Variants in COL4A5 observed in about 807,000 individuals in gnomAD.
COL4A5 encodes collagen type IV alpha 5 chain.
In COL4A5, 26 loss-of-function variants were observed where a neutral mutation model predicts 130.2. The observed-to-expected ratio is 0.20, with a 90% CI of 0.15 to 0.28. The LOEUF is 0.28. Among genes scored for constraint, COL4A5 ranks in the 10% least tolerant of loss-of-function variants. The probability of loss-of-function intolerance (pLI) is 1.00; values close to 1 mark genes in which losing one functional copy is unlikely to be tolerated. For synonymous variants in COL4A5, 496 were observed against 439.6 expected (o/e 1.13, Z -1.60); for missense variants, 1,131 against 1,344.3 (o/e 0.84, Z 2.48).
rs746233788 is a variant in COL4A5, at chrX:108,610,079, T to C, written c.2395+3187T>C. On this transcript the variant is annotated intron_variant, in intron 29 of 52. Transcript: ENST00000328300. The stretch of plus-strand genomic sequence containing the variant: ...GTGAGTGAGATTGGCCATCCTTTTA[T>C]GTGTTAAGGGCCATATTTTTTTTTC... 8.1e-5 allele frequency among the ~76,000 whole-genome samples: 9 copies of C among 111,318 alleles called. No individual in the cohort carries two copies. In the South Asian group the frequency reaches 3.4e-3, roughly 42 times the overall value.
At chrX:108,674,587 T>C in intron 42 of COL4A5, 158 bp from the exon 43 acceptor site, 1 of 546,799 alleles carries the variant, frequency 1.8e-6, no homozygotes, top group Non-Finnish European at 3.0e-6. Flanking sequence ...TGCATACTGA[T>C]TATGCTGTAA....
At chrX:108,626,077 G>C in intron 35 of COL4A5, 133 bp from the exon 36 acceptor site, 1 of 588,410 alleles carries the variant, frequency 1.7e-6, no homozygotes, top group Non-Finnish European at 2.7e-6. Flanking sequence ...AATTGTGTTT[G>C]TGAGGCTCAT....
chrX:108,448,227 T>A (rs186094414), intron 1 of COL4A5, among the ~76,000 whole-genome samples: 1 of 112,581 alleles, frequency 8.9e-6, no homozygotes, highest in East Asian at 2.8e-4. Flanking sequence ...TTAACTTTTT[T>A]ATTTTAATGA....
chrX:108,592,321 G>A (rs1360472979), intron 21 of COL4A5, among the ~76,000 whole-genome samples: 1 of 110,481 alleles, frequency 9.1e-6, no homozygotes, highest in Non-Finnish European at 1.9e-5. Flanking sequence ...TTTCCCCAAG[G>A]ATTTTTTTTC....
At chrX:108,612,642 A>G (rs2066857142) in intron 29 of COL4A5, among the ~76,000 whole-genome samples, 1 of 111,825 alleles carries the variant, frequency 8.9e-6, no homozygotes, top group Non-Finnish European at 1.9e-5. Context: ...CACTGTTGAC[A>G]GAAATCAGAT....
intron 44 of COL4A5, 88 bp from the exon 45 acceptor site, chrX:108,680,591 A>G (rs886601369): frequency 2.1e-5 from 15 of 722,831 alleles, no homozygotes; most frequent in Middle Eastern, 8.9e-4. Flanking sequence ...AAATAGTGCT[A>G]TATGCCACTA....
intron 29 of COL4A5, among the ~76,000 whole-genome samples, chrX:108,610,827 G>A (rs917903529): frequency 9.0e-6 from 1 of 111,511 alleles, no homozygotes; most frequent in African/African-American, 3.2e-5. Flanking sequence ...ATTCTGCCAT[G>A]TAACTCCTTC....
Position 108,573,577 on chromosome X carries a change from G to A in COL4A5, c.469G>A (p.Glu157Lys). The change falls in exon 9 of 53, where the codon GAA becomes AAA. Residue 157 changes from glutamate to lysine, a missense_variant. By Grantham distance (56) the Glu-to-Lys change is moderately conservative. Coordinates refer to ENST00000328300, the MANE Select transcript of COL4A5 (RefSeq NM_033380.3). ...GPPGIPGMKG[E>K]PGSIIMSSLP... ...TTCCATTGATGGCTTCTTTTAGGGT[G>A]AACCAGGTAGTATAATTATGTCATC... 1 of 1,196,386 alleles carries A rather than the reference G, an allele frequency of 8.4e-7. No individual in the cohort carries two copies. Among genetic ancestry groups the A allele is most frequent in the Non-Finnish European group, 1.1e-6 (1 of 881,638 alleles).
At chrX:108,544,342 C>T (rs1017246500) in intron 2 of COL4A5, among the ~76,000 whole-genome samples, 1 of 112,033 alleles carries the variant, frequency 8.9e-6, no homozygotes, top group African/African-American at 3.2e-5. Flanking sequence ...TTGTCAAAGG[C>T]CTTTTCTGCA....
At chrX:108,670,261 T>G in intron 42 of COL4A5, 25 bp downstream of exon 42, 3 of 1,209,920 alleles carry the variant, frequency 2.5e-6, no homozygotes, top group Non-Finnish European at 3.4e-6. Context: ...TCCAAAGTAG[T>G]AACTGCATGA....
At chrX:108,657,763 C>A (rs1312341159) in intron 37 of COL4A5, among the ~76,000 whole-genome samples, 1 of 111,092 alleles carries the variant, frequency 9.0e-6, no homozygotes, top group African/African-American at 3.3e-5. Flanking sequence ...TTGCTTTTCC[C>A]AGTTCATCTT....
intron 29 of COL4A5, among the ~76,000 whole-genome samples, chrX:108,610,781 A>T (rs1406321119): frequency 9.0e-6 from 1 of 111,634 alleles, no homozygotes; most frequent in Non-Finnish European, 1.9e-5. Context: ...AGCCGAGTAC[A>T]GTTCTTTAGG....
At position 108,491,486 on chromosome X, in the gene COL4A5, T is replaced by C. The variant is rs143059821; in HGVS notation, c.82-48260T>C. 6.0e-3 allele frequency among the ~76,000 whole-genome samples: 674 copies of C among 112,082 alleles called. 2 individuals carry two copies. The highest frequency in any genetic ancestry group is 0.035 in the East Asian group (126 of 3,575). On this transcript the variant is annotated intron_variant, in intron 1 of 52. Transcript: ENST00000328300. ...GGCAGAGTAGGGAACCCTCAAAATTTATCTTTTTTTACAATTGCACTAAAT... is the reference window on the plus strand; with the variant it reads ...GGCAGAGTAGGGAACCCTCAAAATTCATCTTTTTTTACAATTGCACTAAAT...
Position 108,571,695 on chromosome X carries a change from T to C in COL4A5, c.439-116T>C. 4.9e-6 allele frequency: 3 copies of C among 606,427 alleles called. No individual in the cohort carries two copies. The Admixed American group carries it at 8.0e-5, about 16-fold the overall frequency. The allele number at this position is 606,427 out of a possible 1,213,427, so 50.0% of individuals were successfully genotyped here. A position where few individuals can be genotyped will look rare whatever the true frequency, so the allele number is the denominator to read the frequency against. ...TCTAAGTATCCTAAGGTATATCCTA[T>C]TCAGAAATGACGCTACAGCAGTCTA... On this transcript the variant is annotated intron_variant, in intron 7 of 52. Transcript: ENST00000328300.
At chrX:108,445,309 T>A (rs2064441872) in intron 1 of COL4A5, among the ~76,000 whole-genome samples, 1 of 111,742 alleles carries the variant, frequency 8.9e-6, no homozygotes, top group African/African-American at 3.3e-5. Context: ...ATTTTGGCCC[T>A]CCATCTTGAT....
intron 1 of COL4A5, among the ~76,000 whole-genome samples, chrX:108,535,660 G>A (rs1401027876): frequency 1.8e-5 from 2 of 110,618 alleles, no homozygotes; most frequent in Non-Finnish European, 1.9e-5. Context: ...ACATTTATGC[G>A]TGGTACACCC....
At chrX:108,676,400 A>G (rs1186544254) in intron 43 of COL4A5, among the ~76,000 whole-genome samples, 1 of 111,647 alleles carries the variant, frequency 9.0e-6, no homozygotes, top group African/African-American at 3.3e-5. Flanking sequence ...AGTAACACCT[A>G]TTTGCCACCT....
At position 108,621,835 on chromosome X, in the gene COL4A5, C is replaced by T. The variant is rs1437156555; in HGVS notation, c.2710C>T (p.Pro904Ser). ...AGGTGAAATGGGTATGATGGGACCT[C>T]CAGGCCCACCAGGACCTTTGGGAAT... Reference protein sequence around the residue: ...TKGEMGMMGPPGPPGPLGIPG... With the variant: ...TKGEMGMMGPSGPPGPLGIPG... Residue 904 changes from proline (P) to serine (S), a missense_variant, in exon 32 of 53, where the codon CCA (proline) becomes TCA (serine). Coordinates refer to ENST00000328300, the MANE Select transcript of COL4A5 (RefSeq NM_033380.3). 2.5e-6 allele frequency: 3 copies of T among 1,208,987 alleles called. No individual in the cohort carries two copies. Among genetic ancestry groups the T allele is most frequent in the Non-Finnish European group, 3.4e-6 (3 of 893,302 alleles).
At position 108,581,114 on chromosome X, in the gene COL4A5, A is replaced by C. The variant is rs1016522645; in HGVS notation, c.936+87A>C. On this transcript the variant is annotated intron_variant, in intron 16 of 52. Transcript: ENST00000328300. ...AAGGTGGCAGAGAAGCAGTATGACA[A>C]AAATTGTGGGGTCTGGAAATAGTTT... 18 of 760,335 alleles carry C rather than the reference A, an allele frequency of 2.4e-5. No individual in the cohort carries two copies. In the South Asian group the frequency reaches 3.8e-4, roughly 16 times the overall value. The allele number at this position is 760,335 out of a possible 1,213,427, so 62.7% of individuals were successfully genotyped here. A position where few individuals can be genotyped will look rare whatever the true frequency, so the allele number is the denominator to read the frequency against.
Sources: gnomAD v4.1 joint callset for allele counts (sites outside exome capture counted in the v4.1 genomes callset) on GRCh38, gnomAD v4.1.1 for gene constraint, MANE v1.5 for transcripts, NCBI Gene and HGNC (gene_info 2026-07-23, HGNC 2026-07-21) for gene names.